GRID2: variants seen among roughly 807,000 people sequenced by gnomAD.
The protein encoded by GRID2 is glutamate receptor ionotropic, delta-2.
GRID2 carries 33 observed loss-of-function variants against 114.8 expected under a neutral mutation model. The observed-to-expected ratio is 0.29, with a 90% CI of 0.22 to 0.38. The LOEUF is 0.38. GRID2 is among the 10% of genes least tolerant of loss of function. GRID2 has a pLI of 1.00. For synonymous variants in GRID2, 505 were observed against 449.9 expected, an observed-to-expected ratio of 1.12 and a Z score of -1.55; for missense variants, 1,184 against 1,257.7, an observed-to-expected ratio of 0.94 and a Z score of 0.89.
chr4:92,630,912 T>C (rs1476183011), intron 2 of GRID2, among the ~76,000 whole-genome samples: 1 of 151,988 alleles, frequency 6.6e-6, no homozygotes, highest in Non-Finnish European at 1.5e-5. Flanking sequence ...ATTGAAATTG[T>C]GAACTAAAAT....
At chr4:93,416,194 T>C (rs1171059817) in intron 9 of GRID2, among the ~76,000 whole-genome samples, 1 of 152,052 alleles carries the variant, frequency 6.6e-6, no homozygotes, top group African/African-American at 2.4e-5. Context: ...TATCTCCTTT[T>C]AACAAATTCC....
intron 2 of GRID2, among the ~76,000 whole-genome samples, chr4:92,621,588 G>T (rs2149238769): frequency 1.3e-5 from 2 of 151,814 alleles, no homozygotes; most frequent in South Asian, 4.1e-4. Context: ...ATGACCCCAA[G>T]AGTTCAAGGA....
At chr4:92,580,168 C>A (rs1324446799) in intron 1 of GRID2, among the ~76,000 whole-genome samples, 2 of 150,938 alleles carry the variant, frequency 1.3e-5, no homozygotes, top group African/African-American at 4.9e-5. Flanking sequence ...GTTGTCTAGT[C>A]TACAGTTATA....
chr4:92,662,932 G>A (rs770428212), intron 2 of GRID2, among the ~76,000 whole-genome samples: 2 of 151,026 alleles, frequency 1.3e-5, no homozygotes, highest in Non-Finnish European at 3.0e-5. Context: ...CTCTAATTGT[G>A]AAGTCAAAAC....
At chr4:92,889,866 A>G (rs189465156) in intron 2 of GRID2, among the ~76,000 whole-genome samples, 142 of 152,292 alleles carry the variant, frequency 9.3e-4, no homozygotes, top group African/African-American at 3.2e-3. Context: ...ACTTCAAACT[A>G]TACTACAAGG....
intron 2 of GRID2, among the ~76,000 whole-genome samples, chr4:92,901,819 C>CT (rs201152026): frequency 6.6e-5 from 10 of 151,272 alleles, no homozygotes; most frequent in South Asian, 2.1e-4. Context: ...TCTATATTAT[C>CT]TTTTTGTGTG....
intron 8 of GRID2, among the ~76,000 whole-genome samples, chr4:93,329,801 A>C (rs1232218816): frequency 6.6e-6 from 1 of 152,140 alleles, no homozygotes; most frequent in Non-Finnish European, 1.5e-5. Context: ...ATATCTTGGC[A>C]AGACATTGGG....
chr4:93,276,647 T>C (rs897495230), intron 8 of GRID2, among the ~76,000 whole-genome samples: 1 of 152,052 alleles, frequency 6.6e-6, no homozygotes, highest in African/African-American at 2.4e-5. Flanking sequence ...TCTTGTTAAA[T>C]ATATTTCTAT....
intron 2 of GRID2, among the ~76,000 whole-genome samples, chr4:92,923,895 C>G (rs540389369): frequency 1.3e-5 from 2 of 152,272 alleles, no homozygotes; most frequent in African/African-American, 4.8e-5. Context: ...AATCTGATTA[C>G]TGGGTATATA....
At chr4:92,586,387 CACACACAT>C (rs1237933189) in intron 1 of GRID2, among the ~76,000 whole-genome samples, 3 of 148,430 alleles carry the variant, frequency 2.0e-5, no homozygotes, top group African/African-American at 7.8e-5. Flanking sequence ...CACACACACA[CACACACAT>C]ACACACACAC....
intron 8 of GRID2, among the ~76,000 whole-genome samples, chr4:93,350,100 A>T (rs1482101361): frequency 6.6e-6 from 1 of 152,074 alleles, no homozygotes; most frequent in Non-Finnish European, 1.5e-5. Context: ...GAAAACCCAG[A>T]GGATTTTAGA....
At chr4:93,472,447 A>G (rs1412995951) in intron 11 of GRID2, among the ~76,000 whole-genome samples, 1 of 152,222 alleles carries the variant, frequency 6.6e-6, no homozygotes, top group Non-Finnish European at 1.5e-5. Flanking sequence ...TACTGAATAT[A>G]TAGTTCCTTT....
intron 14 of GRID2, among the ~76,000 whole-genome samples, chr4:93,677,161 G>A (rs1223539056): frequency 2.0e-5 from 3 of 152,202 alleles, no homozygotes. Context: ...TATGCCCACG[G>A]AGGCTCGCTG....
intron 1 of GRID2, among the ~76,000 whole-genome samples, chr4:92,335,103 C>T (rs545963669): frequency 2.7e-4 from 41 of 152,330 alleles, no homozygotes; most frequent in African/African-American, 9.4e-4. Flanking sequence ...GAAAGGGTCA[C>T]ATTCCTTGTG....
At chr4:92,700,747 CT>C (rs1013756114) in intron 2 of GRID2, among the ~76,000 whole-genome samples, 1 of 152,090 alleles carries the variant, frequency 6.6e-6, no homozygotes, top group Non-Finnish European at 1.5e-5. Context: ...AATCCCAGCA[CT>C]TTGGGAGACC....
At chr4:92,602,565 C>A (rs1729267207) in intron 2 of GRID2, among the ~76,000 whole-genome samples, 1 of 151,966 alleles carries the variant, frequency 6.6e-6, no homozygotes, top group Admixed American at 6.6e-5. Flanking sequence ...AAAATATTAA[C>A]AGGTGTGTAT....
At chr4:92,779,844 A>G (rs987684612) in intron 2 of GRID2, among the ~76,000 whole-genome samples, 3 of 152,146 alleles carry the variant, frequency 2.0e-5, no homozygotes, top group African/African-American at 7.2e-5. Flanking sequence ...AGTTTTCTCA[A>G]TGTATGCTTT....
intron 2 of GRID2, among the ~76,000 whole-genome samples, chr4:92,783,230 G>A (rs1326718388): frequency 6.6e-6 from 1 of 151,944 alleles, no homozygotes; most frequent in Non-Finnish European, 1.5e-5. Flanking sequence ...TATGTTGTGG[G>A]TTTTCAAATG....
chr4:93,293,151 C>T (rs552098151), intron 8 of GRID2, among the ~76,000 whole-genome samples: 1 of 152,212 alleles, frequency 6.6e-6, no homozygotes, highest in East Asian at 1.9e-4. Context: ...TCTTTTAATA[C>T]AGTTACATTA....
Sources: allele counts gnomAD v4.1 joint callset (sites outside exome capture counted in the v4.1 genomes callset), GRCh38; gene constraint gnomAD v4.1.1; transcripts MANE v1.5; gene names NCBI Gene and HGNC (gene_info 2026-07-23, HGNC 2026-07-21).